The following SCFD2 variants were observed in gnomAD, a reference collection of about 807,000 sequenced individuals.
SCFD2 encodes sec1 family domain containing 2, also known as sec1 family domain-containing protein 2.
In SCFD2, 54 loss-of-function variants were observed where a neutral mutation model predicts 58.9. The ratio of observed to expected loss-of-function variants is 0.92; its 90% CI spans 0.74 to 1.15. The LOEUF (loss-of-function observed/expected upper bound fraction) is 1.15. Ranked by LOEUF, SCFD2 falls within the 50% of genes most tolerant of loss-of-function variation. The probability of loss-of-function intolerance (pLI) is 0.00; values close to 1 mark genes in which losing one functional copy is unlikely to be tolerated. For missense variants in SCFD2, 805 were observed against 836.6 expected (o/e 0.96, Z 0.47); for synonymous variants, 321 against 335.9 (o/e 0.96, Z 0.49).
At chr4:53,066,836 C>T (rs1440035183) in intron 5 of SCFD2, among the ~76,000 whole-genome samples, 2 of 152,040 alleles carry the variant, frequency 1.3e-5, no homozygotes, top group Admixed American at 6.6e-5. Context: ...TATTTCCTCT[C>T]CTCCACAGCA....
chr4:53,253,033 C>A (rs192547475), intron 4 of SCFD2, among the ~76,000 whole-genome samples: 5 of 151,672 alleles, frequency 3.3e-5, no homozygotes, highest in African/African-American at 7.3e-5. Flanking sequence ...AACTCAAACA[C>A]ATTTACAAGA....
At chr4:52,874,145 C>T (rs1473237708) in intron 8 of SCFD2, 84 bp from the exon 9 acceptor site, 1 of 942,388 alleles carries the variant, frequency 1.1e-6, no homozygotes, top group East Asian at 2.4e-5. Context: ...TAGAATGCAA[C>T]AAATGTCTTT....
intron 5 of SCFD2, among the ~76,000 whole-genome samples, chr4:53,050,103 G>A (rs1233001479): frequency 2.6e-5 from 4 of 152,168 alleles, no homozygotes; most frequent in Admixed American, 1.3e-4. Flanking sequence ...TATAATGGAG[G>A]TAAGGAATTT....
intron 4 of SCFD2, among the ~76,000 whole-genome samples, chr4:53,192,481 CTG>C (rs1175848408): frequency 6.6e-6 from 1 of 152,278 alleles, no homozygotes; most frequent in East Asian, 1.9e-4. Flanking sequence ...TAGGAACTCT[CTG>C]TACTATCTGT....
In SCFD2 at chr4:53,269,411, TA is replaced by T. The variant is rs1484453476; in HGVS notation, c.1311+4414del. ...ATAAAGACAGTGATAGAGATAGAAA[TA>T]TGTTTTAAAATGGTATAATTGGTAA... On this transcript the variant is annotated intron_variant, in intron 4 of 8. Transcript: ENST00000401642. Among the ~76,000 whole-genome samples, 3 of 152,120 alleles carry T rather than the reference TA, an allele frequency of 2.0e-5. No individual in the cohort carries two copies. In the East Asian group the frequency reaches 5.8e-4, roughly 29 times the overall value.
intron 5 of SCFD2, among the ~76,000 whole-genome samples, chr4:53,057,365 A>C (rs887622359): frequency 6.6e-6 from 1 of 152,144 alleles, no homozygotes; most frequent in African/African-American, 2.4e-5. Context: ...TGCAGGGAAA[A>C]AGGTGGAAAG....
chr4:52,938,792 T>A (rs1720210164), intron 5 of SCFD2, among the ~76,000 whole-genome samples: 1 of 152,234 alleles, frequency 6.6e-6, no homozygotes. Context: ...GAATAAGGTT[T>A]CATTGTGTTT....
intron 5 of SCFD2, among the ~76,000 whole-genome samples, chr4:52,976,950 C>G (rs1321213319): frequency 6.6e-6 from 1 of 152,048 alleles, no homozygotes; most frequent in Admixed American, 6.6e-5. Flanking sequence ...AAAATGAGGA[C>G]AATAATAGCA....
intron 5 of SCFD2, among the ~76,000 whole-genome samples, chr4:53,000,609 T>C (rs758812057): frequency 1.7e-4 from 26 of 152,324 alleles, no homozygotes; most frequent in East Asian, 1.2e-3. Context: ...TCCCAGGCCA[T>C]AGCGCCAAGC....
intron 2 of SCFD2, among the ~76,000 whole-genome samples, chr4:53,350,758 G>A (rs1375248651): frequency 6.6e-6 from 1 of 152,152 alleles, no homozygotes; most frequent in Non-Finnish European, 1.5e-5. Context: ...TGCCCAGGCT[G>A]GAGTGCTATG....
At chr4:53,060,052 G>A (rs996543049) in intron 5 of SCFD2, among the ~76,000 whole-genome samples, 2 of 152,060 alleles carry the variant, frequency 1.3e-5, no homozygotes, top group Admixed American at 1.3e-4. Flanking sequence ...TTACTACTGG[G>A]AACACTTGGT....
At chr4:52,930,918 C>A (rs1442643504) in intron 5 of SCFD2, among the ~76,000 whole-genome samples, 1 of 152,248 alleles carries the variant, frequency 6.6e-6, no homozygotes, top group African/African-American at 2.4e-5. Flanking sequence ...GTTCTATTAT[C>A]GGCTGTCACC....
intron 3 of SCFD2, among the ~76,000 whole-genome samples, chr4:53,298,119 A>G (rs1732112881): frequency 6.6e-6 from 1 of 152,062 alleles, no homozygotes; most frequent in South Asian, 2.1e-4. Flanking sequence ...GGAGCAGCAC[A>G]CCATGCGTGA....
chr4:53,165,301 G>C (rs1017745879), intron 4 of SCFD2, among the ~76,000 whole-genome samples: 33 of 152,126 alleles, frequency 2.2e-4, no homozygotes, highest in African/African-American at 8.0e-4. Flanking sequence ...CTGTATACTT[G>C]CATAAATTTT....
At chr4:53,148,688 T>A (rs768044135) in intron 4 of SCFD2, among the ~76,000 whole-genome samples, 10 of 152,210 alleles carry the variant, frequency 6.6e-5, no homozygotes, top group Admixed American at 1.3e-4. Flanking sequence ...ATTCATACTC[T>A]TATTGCTGGC....
chr4:53,181,742 A>T (rs374059199), intron 4 of SCFD2, among the ~76,000 whole-genome samples: 3 of 152,142 alleles, frequency 2.0e-5, no homozygotes, highest in Non-Finnish European at 4.4e-5. Flanking sequence ...GACATGATTG[A>T]ATATCTAGAA....
chr4:53,227,162 T>A (rs1378769137), intron 4 of SCFD2, among the ~76,000 whole-genome samples: 1 of 151,338 alleles, frequency 6.6e-6, no homozygotes, highest in Admixed American at 6.6e-5. Flanking sequence ...TCTTCAGTGA[T>A]GAAAATCCTT....
At chr4:52,923,232 T>A (rs1412328776) in intron 5 of SCFD2, among the ~76,000 whole-genome samples, 1 of 152,132 alleles carries the variant, frequency 6.6e-6, no homozygotes, top group Admixed American at 6.5e-5. Context: ...ATCCCAGCAC[T>A]TTGGAAGGCA....
intron 2 of SCFD2, among the ~76,000 whole-genome samples, chr4:53,334,528 A>G (rs1484214445): frequency 2.1e-5 from 3 of 145,236 alleles, no homozygotes; most frequent in African/African-American, 7.8e-5. Flanking sequence ...GCATATTCTC[A>G]CTCATAGGTG....
Sources: gnomAD v4.1 joint callset for allele counts (sites outside exome capture counted in the v4.1 genomes callset) on GRCh38, gnomAD v4.1.1 for gene constraint, MANE v1.5 for transcripts, NCBI Gene and HGNC (gene_info 2026-07-23, HGNC 2026-07-21) for gene names.